The following ADK variants were observed in gnomAD, a reference collection of about 807,000 sequenced individuals.
The protein encoded by ADK is N6,N6-dimethyladenosine kinase.
ADK carries 24 observed loss-of-function variants against 44.7 expected under a neutral mutation model. That is an observed-to-expected ratio of 0.54 (90% CI 0.39 to 0.76). ADK has a LOEUF of 0.76. Among genes scored for constraint, ADK ranks in the 30% least tolerant of loss-of-function variants. ADK has a pLI of 0.00. For synonymous variants in ADK, 128 were observed against 142.6 expected, an observed-to-expected ratio of 0.90 and a Z score of 0.73; for missense variants, 321 against 425.1, an observed-to-expected ratio of 0.76 and a Z score of 2.15.
chr10:74,646,113 G>A (rs763802360), intron 9 of ADK, among the ~76,000 whole-genome samples: 2 of 152,136 alleles, frequency 1.3e-5, no homozygotes, highest in Non-Finnish European at 2.9e-5. Context: ...TATAATTATG[G>A]TTGCCTAGAT....
At chr10:74,450,331 G>T (rs1845732486) in intron 6 of ADK, among the ~76,000 whole-genome samples, 1 of 152,034 alleles carries the variant, frequency 6.6e-6, no homozygotes, top group Admixed American at 6.6e-5. Context: ...AATCAATACA[G>T]CAATACAGCC....
intron 7 of ADK, among the ~76,000 whole-genome samples, chr10:74,562,942 G>A (rs560804439): frequency 2.0e-5 from 3 of 152,190 alleles, no homozygotes; most frequent in South Asian, 4.2e-4. Context: ...TCTTATGGGT[G>A]TTTGTTTTAT....
At chr10:74,312,655 C>T (rs1224196196) in intron 3 of ADK, among the ~76,000 whole-genome samples, 1 of 151,328 alleles carries the variant, frequency 6.6e-6, no homozygotes, top group Admixed American at 6.6e-5. Context: ...ACCTGTAATC[C>T]TAGCACTTTG....
At chr10:74,360,991 T>C (rs971269318) in intron 4 of ADK, among the ~76,000 whole-genome samples, 4 of 152,022 alleles carry the variant, frequency 2.6e-5, no homozygotes. Context: ...CACTGCAACC[T>C]CCAACTCCCT....
intron 3 of ADK, among the ~76,000 whole-genome samples, chr10:74,232,505 G>A (rs1241702089): frequency 6.1e-5 from 9 of 146,802 alleles, no homozygotes; most frequent in Non-Finnish European, 1.2e-4. Flanking sequence ...CTGGGCAATA[G>A]AGTGAGAACC....
At position 74,167,597 on chromosome 10, in the gene ADK, C is replaced by A. The variant is rs78921333; in HGVS notation, c.65+16254C>A. 1.2e-3 allele frequency among the ~76,000 whole-genome samples: 187 copies of A among 152,274 alleles called. 1 individual carries two copies. The East Asian group carries it at 0.014, about 12-fold the overall frequency. ...TTTGAGATCCTCTCTGTGGTTTCTT[C>A]AGCTGGGTAGTTGGACTTCTCACGT... On this transcript the variant is annotated intron_variant, in intron 1 of 10. Coordinates refer to ENST00000539909, the MANE Select transcript of ADK (RefSeq NM_006721.4).
chr10:74,671,220 A>C (rs1350423678), intron 10 of ADK, among the ~76,000 whole-genome samples: 1 of 150,416 alleles, frequency 6.6e-6, no homozygotes, highest in East Asian at 1.9e-4. Flanking sequence ...ATTCATGCCC[A>C]GTCTTTTTTT....
chr10:74,647,260 T>A (rs1854086707), intron 9 of ADK, among the ~76,000 whole-genome samples: 1 of 152,208 alleles, frequency 6.6e-6, no homozygotes, highest in East Asian at 1.9e-4. Flanking sequence ...CAGTATAGTA[T>A]CCACAGACGA....
chr10:74,172,689 C>CAAAAAAAAAA (rs67914966), intron 1 of ADK, among the ~76,000 whole-genome samples: 1 of 66,292 alleles, frequency 1.5e-5, no homozygotes, highest in Admixed American at 1.8e-4. Flanking sequence ...AACTCCATCT[C>CAAAAAAAAAA]AAAAAAAAAA....
intron 3 of ADK, among the ~76,000 whole-genome samples, chr10:74,268,288 AG>A (rs1846293479): frequency 6.6e-6 from 1 of 152,154 alleles, no homozygotes; most frequent in South Asian, 2.1e-4. Context: ...ACTGCACTCC[AG>A]CCTAAGCAAC....
Position 74,437,857 on chromosome 10 carries a change from T to A in ADK, c.555+39278T>A, listed in dbSNP as rs796216038. Among the ~76,000 whole-genome samples, 3 of 152,336 alleles carry A rather than the reference T, an allele frequency of 2.0e-5. No individual in the cohort carries two copies. The East Asian group carries it at 5.8e-4, about 29-fold the overall frequency. Reference sequence around the variant, plus strand: ...TTACATGGCTTTCCTCCTACCTGTCTAATATCATCTTATTCTAGTTCTTTC... The same window carrying A: ...TTACATGGCTTTCCTCCTACCTGTCAAATATCATCTTATTCTAGTTCTTTC... On this transcript the variant is annotated intron_variant, in intron 6 of 10. Transcript: ENST00000539909.
chr10:74,325,009 A>G (rs1840957459), intron 4 of ADK, among the ~76,000 whole-genome samples: 3 of 151,888 alleles, frequency 2.0e-5, no homozygotes, highest in African/African-American at 7.3e-5. Context: ...GAATTTTAGA[A>G]TTTTTTTTCT....
At chr10:74,343,715 TCTC>T (rs770249170) in intron 4 of ADK, among the ~76,000 whole-genome samples, 1 of 152,206 alleles carries the variant, frequency 6.6e-6, no homozygotes. Context: ...TTCAAGCAAT[TCTC>T]CTGCCTCAGC....
At chr10:74,420,685 C>T (rs1054283925) in intron 6 of ADK, among the ~76,000 whole-genome samples, 3 of 152,128 alleles carry the variant, frequency 2.0e-5, no homozygotes, top group South Asian at 2.1e-4. Context: ...AATAATACCA[C>T]GAAAAAGTTA....
chr10:74,580,798 C>G (rs1286220709), intron 7 of ADK, among the ~76,000 whole-genome samples: 1 of 152,084 alleles, frequency 6.6e-6, no homozygotes, highest in Non-Finnish European at 1.5e-5. Context: ...ATATTCTACA[C>G]CTAAAACATA....
intron 8 of ADK, among the ~76,000 whole-genome samples, chr10:74,598,955 A>G (rs1328009878): frequency 6.6e-6 from 1 of 152,204 alleles, no homozygotes; most frequent in Admixed American, 6.5e-5. Flanking sequence ...TTGCCAAAAT[A>G]TACATGAGTC....
rs543654664 is a variant in ADK, at chr10:74,442,990, G to A, written c.555+44411G>A. Reference sequence around the variant, plus strand: ...ACCTCATAGAAACAGGGTAGAAAGTGTGGTTGGGGGAGGGAAGAAGGGTAG... The same window carrying A: ...ACCTCATAGAAACAGGGTAGAAAGTATGGTTGGGGGAGGGAAGAAGGGTAG... On this transcript the variant is annotated intron_variant, in intron 6 of 10. Coordinates refer to ENST00000539909, the MANE Select transcript of ADK (RefSeq NM_006721.4). Among the ~76,000 whole-genome samples the A allele has an allele frequency of 2.0e-5, 3 of 152,284 alleles. No homozygotes were observed. The South Asian group carries it at 6.2e-4, about 32-fold the overall frequency.
intron 10 of ADK, among the ~76,000 whole-genome samples, chr10:74,698,205 G>T (rs1285033321): frequency 6.6e-6 from 1 of 152,162 alleles, no homozygotes; most frequent in Non-Finnish European, 1.5e-5. Flanking sequence ...AGGTTGATAC[G>T]CCTATGTGTA....
chr10:74,682,575 C>CTTTTCTT (rs761506176), intron 10 of ADK, among the ~76,000 whole-genome samples: 2 of 133,020 alleles, frequency 1.5e-5, no homozygotes, highest in Admixed American at 7.7e-5. Context: ...CTTTTCTTTT[C>CTTTTCTT]TTTTTTTTTT....
Sources: gnomAD v4.1 joint callset for allele counts (sites outside exome capture counted in the v4.1 genomes callset) on GRCh38, gnomAD v4.1.1 for gene constraint, MANE v1.5 for transcripts, NCBI Gene and HGNC (gene_info 2026-07-23, HGNC 2026-07-21) for gene names.